The following FMNL1 variants were observed in gnomAD, a reference collection of about 807,000 sequenced individuals.
The protein encoded by FMNL1 is formin-like protein 1.
In FMNL1, 43 loss-of-function variants were observed where a neutral mutation model predicts 121.3. The observed-to-expected ratio is 0.35, with a 90% CI of 0.28 to 0.46. The LOEUF is 0.46. Among genes scored for constraint, FMNL1 ranks in the 20% least tolerant of loss-of-function variants. The pLI is 1.00. For missense variants in FMNL1, 1,191 were observed against 1,482.4 expected, an observed-to-expected ratio of 0.80 and a Z score of 3.23; for synonymous variants, 613 against 613.5, an observed-to-expected ratio of 1.00 and a Z score of 0.01.
In FMNL1 at chr17:45,222,265, C is replaced by A. The variant is rs978724340; in HGVS notation, c.129+12C>A. 2.5e-6 allele frequency: 3 copies of A among 1,178,706 alleles called. No individual in the cohort carries two copies. The highest frequency in any genetic ancestry group is 3.2e-6 in the Non-Finnish European group (3 of 952,128). The allele number at this position is 1,178,706 out of a possible 1,614,324, so 73.0% of individuals were successfully genotyped here. A position where few individuals can be genotyped will look rare whatever the true frequency, so the allele number is the denominator to read the frequency against. On this transcript the variant is annotated intron_variant, in intron 1 of 26. Coordinates refer to ENST00000331495, the MANE Select transcript of FMNL1 (RefSeq NM_005892.4). ...TCAACCGCGCCCTGGTGAGTGCGAC[C>A]CGGAGGCGGGTCGGGCGCGGGCGGG...
Position 45,245,294 on chromosome 17 carries a change from C to T in FMNL1, c.2770C>T (p.Arg924Ter), listed in dbSNP as rs2043803764. 2 of 1,614,192 alleles carry T rather than the reference C, an allele frequency of 1.2e-6. No homozygotes were observed. The highest frequency in any genetic ancestry group is 1.7e-6 in the Non-Finnish European group (2 of 1,180,030). ...SVLADVRSLQRGLELTQREFV... is the reference protein window; with the variant it reads ...SVLADVRSLQ The stretch of plus-strand genomic sequence containing the variant: ...CCTGGCGGACGTGCGCTCCCTGCAG[C>T]GAGGCCTAGAGTTGACACAGAGAGA... The change falls in exon 22 of 27, where the codon CGA becomes TGA. Residue 924 changes from arginine (R) to a stop codon, truncating the protein, a stop_gained. Coordinates refer to ENST00000331495, the MANE Select transcript of FMNL1 (RefSeq NM_005892.4). LOFTEE classifies it high-confidence loss of function.
chr17:45,245,970 C>A lies in FMNL1; in HGVS notation c.3087C>A (p.Pro1029=). ...DTPGKGEPPA[P]KSPPKARRPQ... Reference sequence around the variant, plus strand: ...CGGGCAAAGGGGAGCCCCCAGCACCCAAGGTAGGCAACTGCTCCTGGGCTT... The same window carrying A: ...CGGGCAAAGGGGAGCCCCCAGCACCAAAGGTAGGCAACTGCTCCTGGGCTT... The change falls in exon 24 of 27, where the codon CCC becomes CCA. Residue 1029 remains proline (P), a synonymous_variant. Coordinates refer to ENST00000331495, the MANE Select transcript of FMNL1 (RefSeq NM_005892.4). 1 of 1,554,672 alleles carries A rather than the reference C, an allele frequency of 6.4e-7. No homozygotes were observed. The highest frequency in any genetic ancestry group is 8.6e-7 in the Non-Finnish European group (1 of 1,157,056).
At chr17:45,224,438 A>G (rs557146291) in intron 1 of FMNL1, among the ~76,000 whole-genome samples, 68 of 152,240 alleles carry the variant, frequency 4.5e-4, no homozygotes, top group African/African-American at 1.3e-3. Context: ...CTAAGAGGAG[A>G]AGAACCTTAG....
intron 3 of FMNL1, among the ~76,000 whole-genome samples, chr17:45,232,701 C>T (rs1171511067): frequency 6.6e-6 from 1 of 152,110 alleles, no homozygotes. Context: ...TACATGGACA[C>T]ATTCTGTGTA....
chr17:45,238,852 G>T (rs1195202204), intron 10 of FMNL1, 103 bp from the exon 11 acceptor site: 9 of 1,124,546 alleles, frequency 8.0e-6, no homozygotes, highest in Non-Finnish European at 1.1e-5. Flanking sequence ...TTAGTGGAGT[G>T]AGAACTGTGG....
chr17:45,226,023 G>T (rs760594213), intron 1 of FMNL1, among the ~76,000 whole-genome samples: 3 of 152,016 alleles, frequency 2.0e-5, no homozygotes, highest in Admixed American at 6.5e-5. Context: ...TTAGCGGAGG[G>T]AGCCCAGACC....
chr17:45,243,082 C>G (rs1036630789), intron 16 of FMNL1, 36 bp from the exon 17 acceptor site: 30 of 1,610,012 alleles, frequency 1.9e-5, no homozygotes, highest in Non-Finnish European at 2.5e-5. Flanking sequence ...AGACCCCAGC[C>G]CCACCCAGCT....
rs1436612839 is a variant in FMNL1, at chr17:45,244,905, G to C, written c.2598+6G>C. 1.2e-6 allele frequency: 2 copies of C among 1,613,390 alleles called. No individual in the cohort carries two copies. Among genetic ancestry groups the C allele is most frequent in the African/African-American group, 2.7e-5 (2 of 74,946 alleles). ...GGCTCCAGAGCCTGGATGCGGTGAGGAGGGGCCCCTGGCTTGGGGACTGGG... is the reference window on the plus strand; with the variant it reads ...GGCTCCAGAGCCTGGATGCGGTGAGCAGGGGCCCCTGGCTTGGGGACTGGG... On this transcript the variant is annotated splice_donor_region_variant and intron_variant, in intron 20 of 26. Coordinates refer to ENST00000331495, the MANE Select transcript of FMNL1 (RefSeq NM_005892.4).
At chr17:45,232,619 G>A (rs1009464947) in intron 3 of FMNL1, 139 bp downstream of exon 3, 1 of 791,692 alleles carries the variant, frequency 1.3e-6, no homozygotes, top group Non-Finnish European at 2.1e-6. Context: ...TTGTGTGTCT[G>A]TGTATTTATA....
Position 45,241,656 on chromosome 17 carries a change from G to A in FMNL1, c.1585+22G>A. 6.8e-7 allele frequency: 1 copy of A among 1,475,008 alleles called. No individual in the cohort carries two copies. The highest frequency in any genetic ancestry group is 9.0e-7 in the Non-Finnish European group (1 of 1,115,866). The allele number at this position is 1,475,008 out of a possible 1,614,324, so 91.4% of individuals were successfully genotyped here. Reference sequence around the variant, plus strand: ...CCAGGTGCGCAGGAGCTTCAGGCTGGCGGGGATGCGGGGCAGGGTCTGGAG... The same window carrying A: ...CCAGGTGCGCAGGAGCTTCAGGCTGACGGGGATGCGGGGCAGGGTCTGGAG... On this transcript the variant is annotated intron_variant, in intron 14 of 26. Coordinates refer to ENST00000331495, the MANE Select transcript of FMNL1 (RefSeq NM_005892.4). This position sits in a 1 kb window ranked among gnomAD's most constrained non-coding sequence, Gnocchi z 7.0.
chr17:45,239,749 G>C (rs2043640076), intron 11 of FMNL1, among the ~76,000 whole-genome samples: 1 of 151,982 alleles, frequency 6.6e-6, no homozygotes, highest in Non-Finnish European at 1.5e-5. Context: ...GGTGAGCCTT[G>C]AAAACATGCT....
chr17:45,242,698 C>T (rs2043735805), intron 16 of FMNL1, among the ~76,000 whole-genome samples: 1 of 152,268 alleles, frequency 6.6e-6, no homozygotes, highest in Non-Finnish European at 1.5e-5. Flanking sequence ...CCTCACCCCA[C>T]TTCTTCTGCC....
intron 1 of FMNL1, among the ~76,000 whole-genome samples, chr17:45,227,422 C>G (rs1227756339): frequency 6.6e-6 from 1 of 152,074 alleles, no homozygotes; most frequent in African/African-American, 2.4e-5. Context: ...CTCTCACACT[C>G]AGGGCAGGGA....
Position 45,222,018 on chromosome 17 carries a change from C to A in FMNL1, c.-107C>A. ...CTGCCGAGACCCCCGCCGCCACCGCCAGCCGCTGCCCCCTCGCCCCCGCCC... is the reference window on the plus strand; with the variant it reads ...CTGCCGAGACCCCCGCCGCCACCGCAAGCCGCTGCCCCCTCGCCCCCGCCC... On this transcript the variant is annotated 5_prime_UTR_variant, in exon 1 of 27. Coordinates refer to ENST00000331495, the MANE Select transcript of FMNL1 (RefSeq NM_005892.4). 1.1e-6 allele frequency: 1 copy of A among 926,570 alleles called. No homozygotes were observed. The highest frequency in any genetic ancestry group is 1.4e-6 in the Non-Finnish European group (1 of 735,812). The allele number at this position is 926,570 out of a possible 1,614,324, so 57.4% of individuals were successfully genotyped here.
chr17:45,241,906 C>A lies in FMNL1; in HGVS notation c.1645C>A (p.Pro549Thr). The A allele has an allele frequency of 7.1e-7, 1 of 1,407,658 alleles. No individual in the cohort carries two copies. Among genetic ancestry groups the A allele is most frequent in the Non-Finnish European group, 9.2e-7 (1 of 1,090,178 alleles). 87.2% of individuals were successfully genotyped at this position (1,407,658 alleles called of 1,614,324 possible). The change falls in exon 15 of 27, where the codon CCC (proline) becomes ACC (threonine). Residue 549 changes from proline to threonine, a missense_variant. By Grantham distance (38) the Pro-to-Thr change is conservative (BLOSUM62 -1). Around this residue, in one of 4 missense-constraint regions of FMNL1, gnomAD observed 519 missense variants for 492.8 expected, o/e 1.05. Coordinates refer to ENST00000331495, the MANE Select transcript of FMNL1 (RefSeq NM_005892.4). This position sits in a 1 kb window ranked among gnomAD's most constrained non-coding sequence, Gnocchi z 7.0. ...GAAPPPPPPL[P>T]GLPSPQEAPP... The stretch of plus-strand genomic sequence containing the variant: ...AGCGCCACCGCCGCCGCCCCCACTG[C>A]CCGGCCTCCCCTCCCCGCAGGAAGC...
rs1296383703 is a variant in FMNL1, at chr17:45,245,691, C to T, written c.2952C>T (p.Gly984=). The T allele has an allele frequency of 6.2e-7, 1 of 1,614,118 alleles. No individual in the cohort carries two copies. Among genetic ancestry groups the T allele is most frequent in the Non-Finnish European group, 8.5e-7 (1 of 1,179,994 alleles). The change falls in exon 23 of 27, where the codon GGC becomes GGT. Residue 984 remains glycine, a synonymous_variant. Coordinates refer to ENST00000331495, the MANE Select transcript of FMNL1 (RefSeq NM_005892.4). ...AGAACCCCAAGACCACATCCCCAGG[C>T]CTGTTCTTCTCCCTCTTTAGCCGCT... ...FGENPKTTSP[G]LFFSLFSRFI...
intron 19 of FMNL1, among the ~76,000 whole-genome samples, chr17:45,244,507 G>A (rs942375582): frequency 3.3e-5 from 5 of 152,180 alleles, no homozygotes; most frequent in East Asian, 1.9e-4. Context: ...TGGAGGGCCC[G>A]GGAACCAGTA....
intron 19 of FMNL1, 128 bp downstream of exon 19, chr17:45,244,372 C>A: frequency 8.2e-7 from 1 of 1,219,562 alleles, no homozygotes; most frequent in Non-Finnish European, 1.1e-6. Context: ...CTGAGAAGGA[C>A]AAATCTAAGG....
chr17:45,245,915 C>T lies in FMNL1; in HGVS notation c.3032C>T (p.Ala1011Val). Residue 1011 changes from alanine to valine, a missense_variant, in exon 24 of 27, where the codon GCC (alanine) becomes GTC (valine). Ala to Val is a moderately conservative substitution (Grantham distance 64). Around this residue, in one of 4 missense-constraint regions of FMNL1, gnomAD observed 367 missense variants for 528.6 expected, o/e 0.69. Coordinates refer to ENST00000331495, the MANE Select transcript of FMNL1 (RefSeq NM_005892.4). ...GAGGTGGAACAGTGGAAAAAAGAAG[C>T]CGCTGCCCAGGAGGCAGGCGCTGAT... The part of the protein sequence containing the change: ...EQEVEQWKKE[A>V]AAQEAGADTP... 6.3e-7 allele frequency: 1 copy of T among 1,591,292 alleles called. No homozygotes were observed.
Sources: gnomAD v4.1 joint callset for allele counts (sites outside exome capture counted in the v4.1 genomes callset) on GRCh38, gnomAD v4.1.1 for gene constraint, gnomAD v4.1.1 regional missense constraint, Gnocchi (gnomAD v3.1) non-coding constraint, MANE v1.5 for transcripts, NCBI Gene and HGNC (gene_info 2026-07-23, HGNC 2026-07-21) for gene names.